ZFYVE1: variants seen among roughly 807,000 people sequenced by gnomAD.
The protein encoded by ZFYVE1 is zinc finger FYVE domain-containing protein 1.
ZFYVE1 carries 30 observed loss-of-function variants against 74.4 expected under a neutral mutation model. The observed-to-expected ratio is 0.40, with a 90% CI of 0.30 to 0.55. The LOEUF is 0.55. Ranked by LOEUF, ZFYVE1 falls within the 20% of genes least tolerant of loss-of-function variation. The probability of loss-of-function intolerance (pLI) is 0.42; values close to 1 mark genes in which losing one functional copy is unlikely to be tolerated. For missense variants in ZFYVE1, 703 were observed against 1,011.6 expected, an observed-to-expected ratio of 0.69 and a Z score of 4.14; for synonymous variants, 335 against 385.1, an observed-to-expected ratio of 0.87 and a Z score of 1.52.
intron 2 of ZFYVE1, among the ~76,000 whole-genome samples, chr14:73,007,800 T>C (rs1894010238): frequency 6.6e-6 from 1 of 152,242 alleles, no homozygotes; most frequent in Non-Finnish European, 1.5e-5. Context: ...ATTAAATCTG[T>C]TTCCTCAACA....
chr14:72,984,700 A>G (rs984680998), intron 4 of ZFYVE1, among the ~76,000 whole-genome samples: 1 of 152,166 alleles, frequency 6.6e-6, no homozygotes. Context: ...TTCTTCAGGG[A>G]TGTTTGTGGT....
chr14:73,014,559 G>A (rs936116453), intron 2 of ZFYVE1, among the ~76,000 whole-genome samples: 5 of 152,114 alleles, frequency 3.3e-5, no homozygotes, highest in African/African-American at 1.2e-4. Flanking sequence ...ATATTTATAT[G>A]ACACCTAAGA....
At chr14:73,015,196 A>G (rs112964454) in intron 2 of ZFYVE1, among the ~76,000 whole-genome samples, 1,816 of 141,762 alleles carry the variant, frequency 0.013, 44 homozygotes, top group African/African-American at 0.043. Context: ...GTGCCACTGC[A>G]CTCCAGCTGG....
At position 72,992,615 on chromosome 14, in the gene ZFYVE1, G is replaced by GCCCCC. The variant is rs555003383; in HGVS notation, c.1203+523_1203+527dup. ...CTCTGGGGGGAGGTCCCATTCAGGTGCCCCCCCCGCCCCTTGCAAGAGAGA... is the reference window on the plus strand; with the variant it reads ...CTCTGGGGGGAGGTCCCATTCAGGTGCCCCCCCCCCCCCGCCCCTTGCAAGAGAGA... On this transcript the variant is annotated intron_variant, in intron 4 of 11. Transcript: ENST00000556143. Among the ~76,000 whole-genome samples the GCCCCC allele has an allele frequency of 4.7e-3, 512 of 108,968 alleles. 44 individuals carry two copies. Among genetic ancestry groups the GCCCCC allele is most frequent in the Middle Eastern group, 0.023 (5 of 220 alleles). The allele number at this position is 108,968 out of a possible 152,430, so 71.5% of individuals were successfully genotyped here. A position where few individuals can be genotyped will look rare whatever the true frequency, so the allele number is the denominator to read the frequency against.
intron 2 of ZFYVE1, among the ~76,000 whole-genome samples, chr14:73,013,901 G>C (rs1226965847): frequency 6.6e-6 from 1 of 152,166 alleles, no homozygotes; most frequent in Non-Finnish European, 1.5e-5. Context: ...AGAAAAGTCT[G>C]ACCAGCCATC....
rs753315773 is a variant in ZFYVE1, at chr14:73,024,453, T to C, written c.56A>G (p.Gln19Arg). Residue 19 changes from glutamine (Q) to arginine (R), a missense_variant, in exon 2 of 12, where the codon CAG becomes CGG. Physicochemically the swap from Gln to Arg is conservative, Grantham distance 43. Coordinates refer to ENST00000556143, the MANE Select transcript of ZFYVE1 (RefSeq NM_021260.4). ...AGTCCCGCTGCAAGCGTAACTTTCC[T>C]GGCACATCAGCCCCGGATTCAGGCC... ...EKGLNPGLMC[Q>R]ESYACSGTDE... is the part of the protein sequence containing the mutation. 4 of 1,613,838 alleles carry C rather than the reference T, an allele frequency of 2.5e-6. No individual in the cohort carries two copies. The highest frequency in any genetic ancestry group is 2.7e-5 in the African/African-American group (2 of 74,936).
chr14:73,008,214 C>A (rs1894020095), intron 2 of ZFYVE1, among the ~76,000 whole-genome samples: 2 of 152,204 alleles, frequency 1.3e-5, no homozygotes, highest in East Asian at 3.8e-4. Flanking sequence ...GGCTGGAGTG[C>A]AATGGCACGA....
chr14:73,024,627 T>C lies in ZFYVE1; in HGVS notation c.-119A>G, dbSNP rs999658646. 2.9e-6 allele frequency: 4 copies of C among 1,387,846 alleles called. No homozygotes were observed. Among genetic ancestry groups the C allele is most frequent in the Non-Finnish European group, 3.8e-6 (4 of 1,046,080 alleles). The allele number at this position is 1,387,846 out of a possible 1,614,324, so 86.0% of individuals were successfully genotyped here. A position where few individuals can be genotyped will look rare whatever the true frequency, so the allele number is the denominator to read the frequency against. On this transcript the variant is annotated 5_prime_UTR_variant, in exon 2 of 12. The change abolishes the stop of an existing upstream ORF in the 5' untranslated region. Coordinates refer to ENST00000556143, the MANE Select transcript of ZFYVE1 (RefSeq NM_021260.4). ...AACTTCCACAGGGTTCTGAACACTT[T>C]AAAAAAGAACACCTTTCATGTCCTG... is the stretch of plus-strand genomic sequence containing the variant.
chr14:73,016,745 G>A (rs1162055066), intron 2 of ZFYVE1, among the ~76,000 whole-genome samples: 2 of 151,716 alleles, frequency 1.3e-5, no homozygotes, highest in Non-Finnish European at 2.9e-5. Flanking sequence ...GTGGTGGCGG[G>A]CACCTGTAAT....
At chr14:73,023,330 T>TGTTTTATATATAATA (rs1894376040) in intron 2 of ZFYVE1, among the ~76,000 whole-genome samples, 1 of 53,964 alleles carries the variant, frequency 1.9e-5, no homozygotes, top group Non-Finnish European at 3.9e-5. Context: ...ATAATATATA[T>TGTTTTATATATAATA]TATATATGTT....
chr14:72,977,442 G>A (rs912990217), intron 8 of ZFYVE1, among the ~76,000 whole-genome samples: 2 of 151,780 alleles, frequency 1.3e-5, no homozygotes, highest in African/African-American at 4.8e-5. Flanking sequence ...AGCGTCTATA[G>A]GAATCCCACT....
At position 72,978,857 on chromosome 14, in the gene ZFYVE1, T is replaced by C. The variant is rs761209494; in HGVS notation, c.1419+4A>G. 2 of 1,613,556 alleles carry C rather than the reference T, an allele frequency of 1.2e-6. No homozygotes were observed. Among genetic ancestry groups the C allele is most frequent in the Admixed American group, 1.7e-5 (1 of 60,016 alleles). ...TGACACAGGGAGGAGCTCGGAGGAC[T>C]CACCTTGCAGGTATACACTCGGTTG... On this transcript the variant is annotated splice_donor_region_variant and intron_variant, in intron 6 of 11. Transcript: ENST00000556143.
chr14:72,978,735 A>T, intron 6 of ZFYVE1, 126 bp downstream of exon 6: 1 of 758,142 alleles, frequency 1.3e-6, no homozygotes, highest in Non-Finnish European at 2.3e-6. Flanking sequence ...GAGAAGTTCC[A>T]GAAATATTCA....
intron 3 of ZFYVE1, among the ~76,000 whole-genome samples, chr14:72,994,322 C>CAAAAAAAAAAAAAAA: frequency 3.2e-5 from 1 of 31,140 alleles, no homozygotes; most frequent in Non-Finnish European, 5.7e-5. Context: ...GACGCTGTCT[C>CAAAAAAAAAAAAAAA]AAAAAAAAAA....
chr14:72,982,039 A>C (rs1893346755), intron 4 of ZFYVE1, 144 bp from the exon 5 acceptor site: 1 of 677,756 alleles, frequency 1.5e-6, no homozygotes, highest in Non-Finnish European at 2.6e-6. Context: ...TCCTGACCCC[A>C]CTCACATCAG....
At position 73,024,320 on chromosome 14, in the gene ZFYVE1, G is replaced by C. The variant is rs367564201; in HGVS notation, c.189C>G (p.Leu63=). ...ERLRNHERIR[L]KPGHVPYCDL... ...CACAGTAAGGGACATGGCCAGGTTT[G>C]AGTCTTATCCGCTCATGGTTTCTCA... The change falls in exon 2 of 12, where the codon CTC becomes CTG. Residue 63 remains leucine (L), a synonymous_variant. Transcript: ENST00000556143. 4.0e-5 allele frequency: 65 copies of C among 1,614,114 alleles called. No individual in the cohort carries two copies. The highest frequency in any genetic ancestry group is 3.0e-4 in the South Asian group (27 of 91,066).
chr14:72,975,203 G>A lies in ZFYVE1; in HGVS notation c.1807-244C>T, dbSNP rs59491753. The A allele has an allele frequency of 0.088, 46,144 of 524,354 alleles. 2,396 individuals carry two copies. The highest frequency in any genetic ancestry group is 0.16 in the East Asian group (5,026 of 31,656). 32.5% of individuals were successfully genotyped at this position (524,354 alleles called of 1,614,324 possible). A position where few individuals can be genotyped will look rare whatever the true frequency, so the allele number is the denominator to read the frequency against. On this transcript the variant is annotated intron_variant, in intron 9 of 11. Transcript: ENST00000556143. The surrounding 1 kb of genome is among the most constrained non-coding windows in gnomAD (Gnocchi z 4.1). The stretch of plus-strand genomic sequence containing the variant: ...GCTCTCTTGCTCTGGGTGCTGTAGC[G>A]TTAATGGATCAAGCTGAGGATGACC...
intron 4 of ZFYVE1, among the ~76,000 whole-genome samples, chr14:72,988,490 T>A (rs568965677): frequency 5.3e-5 from 8 of 151,952 alleles, no homozygotes; most frequent in East Asian, 3.9e-4. Context: ...ACTTTTTTTT[T>A]AAATATACTA....
intron 4 of ZFYVE1, among the ~76,000 whole-genome samples, chr14:72,991,911 CTT>C (rs538080797): frequency 3.4e-5 from 5 of 145,096 alleles, no homozygotes; most frequent in Admixed American, 6.9e-5. Context: ...AAATCTCCCT[CTT>C]TTTTTTTTTT....
Sources: allele counts gnomAD v4.1 joint callset (sites outside exome capture counted in the v4.1 genomes callset), GRCh38; gene constraint gnomAD v4.1.1; non-coding constraint Gnocchi (gnomAD v3.1); transcripts MANE v1.5; gene names NCBI Gene and HGNC (gene_info 2026-07-23, HGNC 2026-07-21).